The following CDON variants were observed in gnomAD, a reference collection of about 807,000 sequenced individuals.
CDON encodes cell adhesion molecule-related/down-regulated by oncogenes.
CDON carries 73 observed loss-of-function variants against 120.9 expected under a neutral mutation model. The observed-to-expected ratio is 0.60, with a 90% CI of 0.50 to 0.73. CDON has a LOEUF of 0.73. Ranked by LOEUF, CDON falls within the 30% of genes least tolerant of loss-of-function variation. The pLI is 0.00. For missense variants in CDON, 1,470 were observed against 1,587.3 expected (o/e 0.93, Z 1.26); for synonymous variants, 566 against 573.5 (o/e 0.99, Z 0.19).
intron 1 of CDON, among the ~76,000 whole-genome samples, chr11:126,033,125 T>A (rs1198748355): frequency 6.6e-6 from 1 of 152,174 alleles, no homozygotes; most frequent in African/African-American, 2.4e-5. Flanking sequence ...GCTGTGACTG[T>A]AAATAAGGAA....
At chr11:126,021,963 G>T (rs980955963) in intron 2 of CDON, among the ~76,000 whole-genome samples, 1 of 151,970 alleles carries the variant, frequency 6.6e-6, no homozygotes, top group Non-Finnish European at 1.5e-5. Context: ...ATTAGCCAAT[G>T]TGGTGGTGTA....
chr11:125,981,452 A>G (rs1258621260), intron 16 of CDON, 123 bp from the exon 17 acceptor site: 13 of 982,758 alleles, frequency 1.3e-5, no homozygotes, highest in Non-Finnish European at 2.0e-5. Flanking sequence ...ACAGTAAGAC[A>G]CTAAAAAGGA....
intron 1 of CDON, among the ~76,000 whole-genome samples, chr11:126,056,987 C>T (rs1029942043): frequency 2.0e-5 from 3 of 152,172 alleles, no homozygotes; most frequent in African/African-American, 7.2e-5. Flanking sequence ...GGCATTTAGT[C>T]CTAAGCATGA....
At chr11:126,004,194 T>C in intron 9 of CDON, 118 bp from the exon 10 acceptor site, 1 of 972,668 alleles carries the variant, frequency 1.0e-6, no homozygotes, top group Non-Finnish European at 1.6e-6. Context: ...TAAGAAGTAA[T>C]ACAGCATGGT....
At chr11:126,028,823 G>A (rs1394467925) in intron 1 of CDON, among the ~76,000 whole-genome samples, 1 of 150,374 alleles carries the variant, frequency 6.7e-6, no homozygotes, top group Non-Finnish European at 1.5e-5. Context: ...GTATATGTAT[G>A]TGTGTGTGTG....
At chr11:126,035,204 AG>A (rs1419901484) in intron 1 of CDON, among the ~76,000 whole-genome samples, 16 of 152,212 alleles carry the variant, frequency 1.1e-4, no homozygotes, top group African/African-American at 3.9e-4. Context: ...ATTTCCATGA[AG>A]TACATTATTC....
chr11:126,025,525 G>GT (rs1565538268), intron 1 of CDON, among the ~76,000 whole-genome samples: 18 of 123,060 alleles, frequency 1.5e-4, no homozygotes, highest in Admixed American at 9.2e-4. Context: ...TGGTTTGTTT[G>GT]TGGGGGGTGT....
At chr11:126,023,772 T>A (rs1409907924) in intron 1 of CDON, among the ~76,000 whole-genome samples, 5 of 152,236 alleles carry the variant, frequency 3.3e-5, no homozygotes, top group Non-Finnish European at 1.5e-5. Context: ...ACAGAACTAA[T>A]CACTCTGAAT....
At chr11:126,033,916 T>C (rs551594969) in intron 1 of CDON, among the ~76,000 whole-genome samples, 136 of 152,202 alleles carry the variant, frequency 8.9e-4, no homozygotes, top group African/African-American at 3.2e-3. Context: ...CAATGATGTA[T>C]CTTCTGACCT....
At chr11:125,983,179 C>T (rs1235157381) in intron 16 of CDON, among the ~76,000 whole-genome samples, 1 of 152,162 alleles carries the variant, frequency 6.6e-6, no homozygotes, top group Non-Finnish European at 1.5e-5. Flanking sequence ...AAAGACTAAA[C>T]TCTCTGCTTG....
rs766367086 is a variant in CDON, at chr11:126,015,161, A to T, written c.1198+80T>A. ...TGCTAGGGTTATTTTCTTTTAGTAA[A>T]AATAATTTCATTTTTGACCACAACA... On this transcript the variant is annotated intron_variant, in intron 7 of 19. Coordinates refer to ENST00000531738, the MANE Select transcript of CDON (RefSeq NM_001378964.1). The T allele has an allele frequency of 2.2e-6, 3 of 1,386,298 alleles. No homozygotes were observed. The South Asian group carries it at 3.5e-5, about 16-fold the overall frequency. The allele number at this position is 1,386,298 out of a possible 1,614,324, so 85.9% of individuals were successfully genotyped here.
At chr11:126,005,410 C>T (rs148985257) in intron 9 of CDON, 2,500 of 217,598 alleles carry the variant, frequency 0.011, 23 homozygotes, top group Non-Finnish European at 0.016. Flanking sequence ...TAATAAGAAA[C>T]TGCTTTATTT....
intron 18 of CDON, among the ~76,000 whole-genome samples, chr11:125,974,572 A>G (rs1946102928): frequency 7.7e-6 from 1 of 129,106 alleles, no homozygotes; most frequent in Admixed American, 8.2e-5. Context: ...ATCACTTTAA[A>G]TACATAATAA....
chr11:126,010,510 CTG>C lies in CDON; in HGVS notation c.1381_1382del (p.Gln461ValfsTer5), dbSNP rs747365404. 23 of 1,614,114 alleles carry C rather than the reference CTG, an allele frequency of 1.4e-5. No homozygotes were observed. The highest frequency in any genetic ancestry group is 1.9e-5 in the Non-Finnish European group (23 of 1,180,008). Reference sequence around the variant, plus strand: ...GGTTCAAGCCCTCAGGTCTTGATAACTGTGATTTTCGGGATTTCGATCTCAGG... The same window carrying C: ...GGTTCAAGCCCTCAGGTCTTGATAACTGATTTTCGGGATTTCGATCTCAGG... ...QVLRSKSRKSQLSRPEGLNLE... is the reference protein window; with the variant it reads ...QVLRSKSRKSXLSRPEGLNLE... On this transcript the variant is annotated frameshift_variant, in exon 8 of 20. Transcript: ENST00000531738. LOFTEE classifies it high-confidence loss of function.
chr11:126,023,828 C>T (rs997231268), intron 1 of CDON, among the ~76,000 whole-genome samples: 3 of 152,222 alleles, frequency 2.0e-5, no homozygotes, highest in Non-Finnish European at 4.4e-5. Context: ...ACACATCTCA[C>T]AAACATACAA....
intron 1 of CDON, among the ~76,000 whole-genome samples, chr11:126,033,369 G>A (rs1051917353): frequency 2.0e-5 from 3 of 152,102 alleles, no homozygotes; most frequent in African/African-American, 7.2e-5. Context: ...AGAGATTTGG[G>A]TCGCAGATGA....
At position 126,010,399 on chromosome 11, in the gene CDON, G is replaced by A; in HGVS notation, c.1494C>T (p.Tyr498=). ...CATGTTCATTTGCAGCTTCGCAGATGTATTTCCCCGCATGTTCCTGAGTCA... is the reference window on the plus strand; with the variant it reads ...CATGTTCATTTGCAGCTTCGCAGATATATTTCCCCGCATGTTCCTGAGTCA... ...QAVTQEHAGK[Y]ICEAANEHGT... is the part of the protein sequence containing the mutation. The change falls in exon 8 of 20, where the codon TAC becomes TAT. Residue 498 remains tyrosine (Y), a synonymous_variant. Coordinates refer to ENST00000531738, the MANE Select transcript of CDON (RefSeq NM_001378964.1). 6.2e-7 allele frequency: 1 copy of A among 1,614,090 alleles called. No individual in the cohort carries two copies. Among genetic ancestry groups the A allele is most frequent in the Non-Finnish European group, 8.5e-7 (1 of 1,179,976 alleles).
At chr11:126,025,830 C>A (rs1360111801) in intron 1 of CDON, among the ~76,000 whole-genome samples, 1 of 152,002 alleles carries the variant, frequency 6.6e-6, no homozygotes, top group Non-Finnish European at 1.5e-5. Flanking sequence ...AAAATGTATA[C>A]CATATATTCA....
intron 7 of CDON, among the ~76,000 whole-genome samples, chr11:126,012,042 G>A (rs1238613210): frequency 6.6e-6 from 1 of 152,086 alleles, no homozygotes. Flanking sequence ...GAGTCTATCT[G>A]TTTCTGTACC....
Sources: gnomAD v4.1 joint callset for allele counts (sites outside exome capture counted in the v4.1 genomes callset) on GRCh38, gnomAD v4.1.1 for gene constraint, MANE v1.5 for transcripts, NCBI Gene and HGNC (gene_info 2026-07-23, HGNC 2026-07-21) for gene names.